The following LIPJ variants were observed in gnomAD, a reference collection of about 807,000 sequenced individuals.
LIPJ encodes the protein lipase member J.
Under a neutral mutation model 39.8 loss-of-function variants are expected in LIPJ, and 33 were observed. That is an observed-to-expected ratio of 0.83 (90% CI 0.63 to 1.11). The LOEUF (loss-of-function observed/expected upper bound fraction) is 1.11, where lower values mean the gene tolerates loss of function less well. LIPJ is among the 50% of genes least tolerant of loss of function. The pLI, the probability that LIPJ is intolerant of heterozygous loss-of-function variation, is 0.00. For synonymous variants in LIPJ, 128 were observed against 139.2 expected (o/e 0.92, Z 0.57); for missense variants, 422 against 427.9 (o/e 0.99, Z 0.12).
the LIPJ span, among the ~76,000 whole-genome samples, chr10:88,620,191 G>A: frequency 1.3e-5 from 2 of 151,912 alleles, no homozygotes; most frequent in Non-Finnish European, 2.9e-5. Context: ...AGGAAAGAAC[G>A]AGGAGCTATT....
chr10:88,585,079 A>T (rs1415252181), upstream of LIPJ, among the ~76,000 whole-genome samples: 2 of 152,226 alleles, frequency 1.3e-5, no homozygotes, highest in African/African-American at 2.4e-5. Flanking sequence ...TGTGATTCAC[A>T]GCCATAGCCC....
chr10:88,596,459 A>T, intron 7 of LIPJ, 43 bp downstream of exon 7: 12 of 1,436,224 alleles, frequency 8.4e-6, no homozygotes, highest in Non-Finnish European at 1.0e-5. Context: ...ACCCAAAGTG[A>T]TAATTTTATG....
chr10:88,592,312 AGTAATT>A (rs1851106871), intron 4 of LIPJ: 1 of 151,890 alleles, frequency 6.6e-6, no homozygotes, highest in Non-Finnish European at 1.5e-5. Flanking sequence ...ATATAATAAT[AGTAATT>A]ATCCCCCAAG....
chr10:88,600,100 T>C (rs1405284422), intron 8 of LIPJ, among the ~76,000 whole-genome samples: 1 of 152,226 alleles, frequency 6.6e-6, no homozygotes, highest in African/African-American at 2.4e-5. Flanking sequence ...GTATCATTTA[T>C]TATTACTTAT....
upstream of LIPJ, chr10:88,583,584 G>T (rs917735035): frequency 5.0e-6 from 5 of 1,005,000 alleles, no homozygotes; most frequent in Non-Finnish European, 4.7e-6. Flanking sequence ...TCTCATGCCT[G>T]TTGGGATTTT....
downstream of LIPJ, among the ~76,000 whole-genome samples, chr10:88,609,942 T>A (rs7068639): frequency 6.7e-6 from 1 of 148,792 alleles, no homozygotes; most frequent in Non-Finnish European, 1.5e-5. Context: ...AGTGAGAGGG[T>A]GCTGTATGTA....
intron 9 of LIPJ, among the ~76,000 whole-genome samples, chr10:88,603,853 T>A (rs529630622): frequency 6.6e-6 from 1 of 152,300 alleles, no homozygotes; most frequent in Admixed American, 6.5e-5. Flanking sequence ...TTATAACTTA[T>A]ATTTAGGTAA....
At chr10:88,602,475 A>C in intron 8 of LIPJ, 101 bp from the exon 9 acceptor site, 1 of 677,614 alleles carries the variant, frequency 1.5e-6, no homozygotes, top group South Asian at 2.6e-5. Flanking sequence ...ATTTTAAATT[A>C]AATTTTCTTG....
At chr10:88,588,310 C>T (rs1365345581) in intron 2 of LIPJ, among the ~76,000 whole-genome samples, 1 of 151,714 alleles carries the variant, frequency 6.6e-6, no homozygotes, top group African/African-American at 2.4e-5. Flanking sequence ...TAGCTCATGT[C>T]AACTTAAAAT....
chr10:88,585,558 A>G (rs971345057), upstream of LIPJ: 3 of 152,182 alleles, frequency 2.0e-5, no homozygotes, highest in Non-Finnish European at 2.9e-5. Context: ...CACTCTGCCC[A>G]CTGTGAACGT....
chr10:88,621,782 A>C, the LIPJ span, among the ~76,000 whole-genome samples: 1 of 152,182 alleles, frequency 6.6e-6, no homozygotes, highest in African/African-American at 2.4e-5. Flanking sequence ...GACCTAAGGA[A>C]AAGTCAGTGT....
chr10:88,598,976 T>C lies in LIPJ; in HGVS notation c.723+2040T>C, dbSNP rs563086476. ...TTTAATAATATAATATATTATATTA[T>C]TACAATAATATAAAATATTATATTA... On this transcript the variant is annotated intron_variant, in intron 8 of 10. Transcript: ENST00000371939. 1.8e-3 allele frequency among the ~76,000 whole-genome samples: 262 copies of C among 144,164 alleles called. 1 individual carries two copies. The highest frequency in any genetic ancestry group is 3.1e-3 in the Non-Finnish European group (206 of 66,664). The allele number at this position is 144,164 out of a possible 152,430, so 94.6% of individuals were successfully genotyped here. A position where few individuals can be genotyped will look rare whatever the true frequency, so the allele number is the denominator to read the frequency against.
chr10:88,596,722 T>A, intron 7 of LIPJ, 68 bp from the exon 8 acceptor site: 4 of 1,323,142 alleles, frequency 3.0e-6, no homozygotes, highest in Non-Finnish European at 4.2e-6. Context: ...AGATAGTGAA[T>A]TACCACAACA....
chr10:88,602,433 A>G (rs1310590072), intron 8 of LIPJ, 143 bp from the exon 9 acceptor site: 4 of 531,910 alleles, frequency 7.5e-6, no homozygotes, highest in Non-Finnish European at 1.3e-5. Flanking sequence ...TTTAATTAAA[A>G]TAATTTGATG....
upstream of LIPJ, chr10:88,582,950 G>A: frequency 2.6e-6 from 3 of 1,165,004 alleles, no homozygotes; most frequent in South Asian, 1.7e-5. Flanking sequence ...GCGCTACACG[G>A]CCGCTCAGGG....
chr10:88,614,356 A>AT, the LIPJ span, among the ~76,000 whole-genome samples: 1 of 152,144 alleles, frequency 6.6e-6, no homozygotes, highest in African/African-American at 2.4e-5. Context: ...AAGGTAGCTG[A>AT]TAAGTAGGTT....
exon 11 of LIPJ, chr10:88,606,914 A>G (rs1402068263): frequency 6.7e-7 from 1 of 1,493,616 alleles, no homozygotes; most frequent in Non-Finnish European, 9.0e-7. Flanking sequence ...ATAAAGAACC[A>G]TGGCGCTGTG....
At chr10:88,605,228 G>A (rs187012114) in intron 9 of LIPJ, among the ~76,000 whole-genome samples, 1 of 152,232 alleles carries the variant, frequency 6.6e-6, no homozygotes, top group East Asian at 1.9e-4. Context: ...TGACTTCTGG[G>A]ACAAACTCTT....
intron 2 of LIPJ, among the ~76,000 whole-genome samples, chr10:88,589,478 C>G (rs1429898628): frequency 6.6e-6 from 1 of 151,858 alleles, no homozygotes; most frequent in Non-Finnish European, 1.5e-5. Flanking sequence ...CAATGAAAAC[C>G]ACAGATATTA....
Sources: gnomAD v4.1 joint callset for allele counts (sites outside exome capture counted in the v4.1 genomes callset) on GRCh38, gnomAD v4.1.1 for gene constraint, MANE v1.5 for transcripts, NCBI Gene and HGNC (gene_info 2026-07-23, HGNC 2026-07-21) for gene names.